CNIH3: variants seen among roughly 807,000 people sequenced by gnomAD.
CNIH3 encodes protein cornichon homolog 3.
In CNIH3, 14 loss-of-function variants were observed where a neutral mutation model predicts 24.1. That is an observed-to-expected ratio of 0.58 (90% CI 0.38 to 0.91). The LOEUF is 0.91. CNIH3 is among the 40% of genes least tolerant of loss of function. The pLI, the probability that CNIH3 is intolerant of heterozygous loss-of-function variation, is 0.00. For synonymous variants in CNIH3, 68 were observed against 73.8 expected, an observed-to-expected ratio of 0.92 and a Z score of 0.40; for missense variants, 178 against 196.8, an observed-to-expected ratio of 0.90 and a Z score of 0.57.
intron 2 of CNIH3, among the ~76,000 whole-genome samples, chr1:224,536,274 T>C (rs950751011): frequency 2.7e-5 from 4 of 149,056 alleles, no homozygotes; most frequent in African/African-American, 1.0e-4. Flanking sequence ...ATAGCTGCCA[T>C]AATTGTTGTC....
chr1:224,560,888 C>T (rs952450890), intron 3 of CNIH3, among the ~76,000 whole-genome samples: 7 of 152,092 alleles, frequency 4.6e-5, no homozygotes, highest in African/African-American at 1.7e-4. Flanking sequence ...TCCCTGGTGC[C>T]AAAAAGTTTG....
chr1:224,707,979 T>A (rs943728497), intron 3 of CNIH3, among the ~76,000 whole-genome samples: 1 of 152,186 alleles, frequency 6.6e-6, no homozygotes, highest in African/African-American at 2.4e-5. Context: ...CATCTCACTG[T>A]TGCAGGGTCC....
chr1:224,471,790 C>CA (rs1247410301), intron 1 of CNIH3, among the ~76,000 whole-genome samples: 1 of 152,056 alleles, frequency 6.6e-6, no homozygotes, highest in Non-Finnish European at 1.5e-5. Context: ...CGGGCTTTCA[C>CA]CATCTTGGCC....
intron 3 of CNIH3, among the ~76,000 whole-genome samples, chr1:224,563,183 C>T (rs185000689): frequency 3.7e-4 from 57 of 152,238 alleles, no homozygotes; most frequent in African/African-American, 1.2e-3. Context: ...TGTGGTCATG[C>T]TTCTTGTACA....
At chr1:224,493,045 G>C (rs886674785) in intron 1 of CNIH3, among the ~76,000 whole-genome samples, 8 of 152,194 alleles carry the variant, frequency 5.3e-5, no homozygotes, top group Non-Finnish European at 1.0e-4. Context: ...TTTCCCTGGA[G>C]AGTGAGGGCA....
chr1:224,511,426 A>G (rs1301545688), upstream of CNIH3, among the ~76,000 whole-genome samples: 1 of 152,258 alleles, frequency 6.6e-6, no homozygotes, highest in African/African-American at 2.4e-5. Context: ...CTCCACTTGG[A>G]TTGAACCTGT....
intron 1 of CNIH3, among the ~76,000 whole-genome samples, chr1:224,665,945 TC>T (rs893094470): frequency 6.6e-6 from 1 of 152,100 alleles, no homozygotes; most frequent in Non-Finnish European, 1.5e-5. Context: ...GTCAGGTGAC[TC>T]TCAACTGGCC....
In CNIH3 at chr1:224,616,327, AGGC is replaced by A. The variant is rs905219383; in HGVS notation, c.-829_-827del. 2.3e-3 allele frequency: 836 copies of A among 359,948 alleles called. No individual in the cohort carries two copies. Among genetic ancestry groups the A allele is most frequent in the South Asian group, 4.2e-3 (91 of 21,618 alleles). The allele number at this position is 359,948 out of a possible 1,614,324, so 22.3% of individuals were successfully genotyped here. On this transcript the variant is annotated 5_prime_UTR_variant, in exon 1 of 6. Coordinates refer to ENST00000272133, the MANE Select transcript of CNIH3 (RefSeq NM_152495.2). Reference sequence around the variant, plus strand: ...ACCGCTACAGTTCTCGCAGTGGCAAAGGCGGCGGCGGCGGCGGCGGCAGCGGCA... The same window carrying A: ...ACCGCTACAGTTCTCGCAGTGGCAAAGGCGGCGGCGGCGGCGGCAGCGGCA...
chr1:224,608,539 G>A (rs1018663538), intron 3 of CNIH3, among the ~76,000 whole-genome samples: 6 of 152,174 alleles, frequency 3.9e-5, no homozygotes, highest in African/African-American at 1.2e-4. Flanking sequence ...GAACAGAACA[G>A]GACAGGGATT....
At chr1:224,527,939 C>A (rs1309775787) in intron 2 of CNIH3, among the ~76,000 whole-genome samples, 2 of 152,120 alleles carry the variant, frequency 1.3e-5, no homozygotes, top group East Asian at 3.8e-4. Flanking sequence ...GGATCCGTAT[C>A]TGTATATGTA....
chr1:224,645,836 C>T (rs1284285275), intron 1 of CNIH3, among the ~76,000 whole-genome samples: 1 of 152,148 alleles, frequency 6.6e-6, no homozygotes, highest in Non-Finnish European at 1.5e-5. Flanking sequence ...CCATCTCGCT[C>T]CAAGGGAATT....
At chr1:224,640,768 A>G (rs1456742048) in intron 1 of CNIH3, among the ~76,000 whole-genome samples, 1 of 152,106 alleles carries the variant, frequency 6.6e-6, no homozygotes, top group Non-Finnish European at 1.5e-5. Context: ...GGAGATAACA[A>G]GGGATCTCTG....
intron 1 of CNIH3, among the ~76,000 whole-genome samples, chr1:224,653,613 A>G (rs1684965300): frequency 6.6e-6 from 1 of 152,238 alleles, no homozygotes. Context: ...CTATTAAGGA[A>G]AATACAAGAC....
At position 224,604,779 on chromosome 1, in the gene CNIH3, G is replaced by A. The variant is rs759305202; in HGVS notation, n.402+38515G>A. On this transcript the variant is annotated intron_variant and non_coding_transcript_variant, in intron 3 of 7. Transcript: ENST00000478120. This position sits in a 1 kb window ranked among gnomAD's most constrained non-coding sequence, Gnocchi z 4.4. ...TGGCCATGCTGACATGCCCCAGCTC[G>A]CCTGTGTTATAGCTTATACCCACAT... is the stretch of plus-strand genomic sequence containing the variant. 2.6e-5 allele frequency among the ~76,000 whole-genome samples: 4 copies of A among 152,218 alleles called. No individual in the cohort carries two copies. Among genetic ancestry groups the A allele is most frequent in the Non-Finnish European group, 4.4e-5 (3 of 68,040 alleles).
intron 3 of CNIH3, among the ~76,000 whole-genome samples, chr1:224,709,820 G>A (rs527531625): frequency 1.3e-5 from 2 of 152,284 alleles, no homozygotes; most frequent in Non-Finnish European, 2.9e-5. Context: ...ACTCATTACA[G>A]TAGTACCCCC....
At chr1:224,686,409 A>T (rs535023380) in intron 3 of CNIH3, among the ~76,000 whole-genome samples, 2 of 152,194 alleles carry the variant, frequency 1.3e-5, no homozygotes, top group South Asian at 2.1e-4. Context: ...TCTATCATTT[A>T]TGGGCATTTG....
At chr1:224,677,277 A>G (rs1466855005) in intron 1 of CNIH3, among the ~76,000 whole-genome samples, 1 of 152,200 alleles carries the variant, frequency 6.6e-6, no homozygotes, top group Non-Finnish European at 1.5e-5. Flanking sequence ...AATCGTCTTG[A>G]TAGCCCTCAT....
chr1:224,520,543 C>CT (rs1678582708), intron 1 of CNIH3, among the ~76,000 whole-genome samples: 1 of 152,294 alleles, frequency 6.6e-6, no homozygotes, highest in South Asian at 2.1e-4. Flanking sequence ...ATGGAATTGC[C>CT]TTTTTTGTAG....
At chr1:224,449,895 C>G (rs1399347964) in intron 1 of CNIH3, among the ~76,000 whole-genome samples, 4 of 152,018 alleles carry the variant, frequency 2.6e-5, no homozygotes, top group Non-Finnish European at 5.9e-5. Flanking sequence ...CTGTGGCCTG[C>G]TTTCAGTTGT....
Sources: allele counts gnomAD v4.1 joint callset (sites outside exome capture counted in the v4.1 genomes callset), GRCh38; gene constraint gnomAD v4.1.1; non-coding constraint Gnocchi (gnomAD v3.1); transcripts MANE v1.5; gene names NCBI Gene and HGNC (gene_info 2026-07-23, HGNC 2026-07-21).